DOK5: variants seen among roughly 807,000 people sequenced by gnomAD.
The protein encoded by DOK5 is downstream of tyrosine kinase 5.
A neutral mutation model predicts 43.3 loss-of-function variants in DOK5; 27 were observed. The observed-to-expected ratio is 0.62, with a 90% confidence interval of 0.46 to 0.86. The LOEUF (loss-of-function observed/expected upper bound fraction) is 0.86. Among genes scored for constraint, DOK5 ranks in the 40% least tolerant of loss-of-function variants. DOK5 has a pLI of 0.00. For missense variants in DOK5, 373 were observed against 392.9 expected (o/e 0.95, Z 0.43); for synonymous variants, 146 against 140.1 (o/e 1.04, Z -0.30).
intron 5 of DOK5, among the ~76,000 whole-genome samples, chr20:54,605,022 T>C (rs11698076): frequency 0.11 from 13,729 of 128,428 alleles, 2,311 homozygotes; most frequent in African/African-American, 0.41. Context: ...AATATATATA[T>C]ATACACACAC....
chr20:54,522,035 C>G (rs1600678128), intron 1 of DOK5, among the ~76,000 whole-genome samples: 1 of 152,174 alleles, frequency 6.6e-6, no homozygotes. Flanking sequence ...AAGAACTTAG[C>G]TCTACAGAAA....
At chr20:54,493,616 T>C (rs1056946662) in intron 1 of DOK5, among the ~76,000 whole-genome samples, 1 of 152,198 alleles carries the variant, frequency 6.6e-6, no homozygotes, top group Admixed American at 6.5e-5. Context: ...TACATAGTCA[T>C]CAGTGGCTAC....
At chr20:54,535,254 C>T (rs182699620) in intron 1 of DOK5, among the ~76,000 whole-genome samples, 2 of 152,178 alleles carry the variant, frequency 1.3e-5, no homozygotes, top group African/African-American at 4.8e-5. Flanking sequence ...AATTATTCTT[C>T]CCCTTCTGCC....
chr20:54,479,029 A>G (rs992138191), intron 1 of DOK5, among the ~76,000 whole-genome samples: 5 of 152,124 alleles, frequency 3.3e-5, no homozygotes, highest in African/African-American at 1.2e-4. Context: ...AAATATATAC[A>G]TACAACCTAT....
intron 2 of DOK5, among the ~76,000 whole-genome samples, chr20:54,586,333 G>A (rs1039740304): frequency 3.3e-5 from 5 of 152,130 alleles, no homozygotes; most frequent in Admixed American, 6.5e-5. Flanking sequence ...TAAGGCCAGG[G>A]CACATTTCCT....
At chr20:54,603,991 GGCTGGAGTGCAGTGGC>G (rs1157564575) in intron 5 of DOK5, among the ~76,000 whole-genome samples, 4 of 129,142 alleles carry the variant, frequency 3.1e-5, no homozygotes. Context: ...CTGTCGCCCA[GGCTGGAGTGCAGTGGC>G]GCGATCTCGG....
chr20:54,513,624 A>G (rs946751611), intron 1 of DOK5, among the ~76,000 whole-genome samples: 1 of 152,200 alleles, frequency 6.6e-6, no homozygotes, highest in Non-Finnish European at 1.5e-5. Context: ...TAAGACTGTC[A>G]AAGGAAGATT....
At chr20:54,569,210 A>G (rs977619880) in intron 2 of DOK5, among the ~76,000 whole-genome samples, 6 of 152,198 alleles carry the variant, frequency 3.9e-5, no homozygotes, top group African/African-American at 1.4e-4. Context: ...TCCGTAGGAC[A>G]CATTTGGTGA....
At chr20:54,558,363 A>G (rs1373242466) in intron 2 of DOK5, among the ~76,000 whole-genome samples, 1 of 152,232 alleles carries the variant, frequency 6.6e-6, no homozygotes, top group Non-Finnish European at 1.5e-5. Flanking sequence ...GGTAAGCCAC[A>G]TTCTCTTTCA....
intron 5 of DOK5, among the ~76,000 whole-genome samples, chr20:54,598,009 T>A (rs1024073975): frequency 6.6e-6 from 1 of 152,140 alleles, no homozygotes; most frequent in Non-Finnish European, 1.5e-5. Flanking sequence ...CACTGGGGTA[T>A]AAATGTTCTT....
At chr20:54,517,022 G>A (rs549371309) in intron 1 of DOK5, among the ~76,000 whole-genome samples, 37 of 152,290 alleles carry the variant, frequency 2.4e-4, no homozygotes, top group South Asian at 1.5e-3. Context: ...TCGGGTTGAT[G>A]TTTTTGTTCT....
Position 54,480,902 on chromosome 20 carries a change from C to CTATCTATCT in DOK5, c.66+4890_66+4891insTATCTATCT, listed in dbSNP as rs1555822314. Among the ~76,000 whole-genome samples the CTATCTATCT allele has an allele frequency of 3.9e-3, 523 of 134,688 alleles. 9 individuals are homozygous for CTATCTATCT. The highest frequency in any genetic ancestry group is 0.012 in the African/African-American group (374 of 30,294). 88.4% of individuals were successfully genotyped at this position (134,688 alleles called of 152,430 possible). A position where few individuals can be genotyped will look rare whatever the true frequency, so the allele number is the denominator to read the frequency against. On this transcript the variant is annotated intron_variant, in intron 1 of 7. Transcript: ENST00000262593. ...CTCTCAATGAGGCCTTTAAGGCCTCCATCTATCTATCTATCTATCTATCAA... is the reference window on the plus strand; with the variant it reads ...CTCTCAATGAGGCCTTTAAGGCCTCCTATCTATCTATCTATCTATCTATCTATCTATCAA...
intron 2 of DOK5, among the ~76,000 whole-genome samples, chr20:54,557,948 G>T (rs1358981333): frequency 6.6e-6 from 1 of 152,170 alleles, no homozygotes; most frequent in Non-Finnish European, 1.5e-5. Context: ...ATTTTTTGGG[G>T]ATGGGAGACA....
chr20:54,485,191 A>G (rs1224607848), intron 1 of DOK5, among the ~76,000 whole-genome samples: 1 of 151,976 alleles, frequency 6.6e-6, no homozygotes, highest in African/African-American at 2.4e-5. Context: ...TTAGTCGGGC[A>G]TGGTGGAGAG....
chr20:54,490,282 T>C (rs1982113090), intron 1 of DOK5, among the ~76,000 whole-genome samples: 1 of 152,240 alleles, frequency 6.6e-6, no homozygotes, highest in Non-Finnish European at 1.5e-5. Context: ...TCTCTAAAAA[T>C]TAAATTATGA....
chr20:54,548,051 T>G (rs897466024), intron 1 of DOK5, among the ~76,000 whole-genome samples: 1 of 151,982 alleles, frequency 6.6e-6, no homozygotes, highest in African/African-American at 2.4e-5. Flanking sequence ...AGGCCAGAGG[T>G]GCTACTAAAC....
chr20:54,509,928 G>A (rs1982954770), intron 1 of DOK5, among the ~76,000 whole-genome samples: 1 of 141,102 alleles, frequency 7.1e-6, no homozygotes, highest in Non-Finnish European at 1.5e-5. Flanking sequence ...TCAGACGGCA[G>A]TACATATGCT....
chr20:54,579,760 A>G (rs543630361), intron 2 of DOK5, among the ~76,000 whole-genome samples: 1 of 152,260 alleles, frequency 6.6e-6, no homozygotes, highest in South Asian at 2.1e-4. Context: ...GGATAATAGT[A>G]TATGGTATAT....
intron 2 of DOK5, among the ~76,000 whole-genome samples, chr20:54,557,828 A>G (rs1307050007): frequency 6.6e-6 from 1 of 152,070 alleles, no homozygotes; most frequent in Admixed American, 6.6e-5. Context: ...TGCCTTCCAC[A>G]TCCCTCTTAT....
Sources: gnomAD v4.1 joint callset for allele counts (sites outside exome capture counted in the v4.1 genomes callset) on GRCh38, gnomAD v4.1.1 for gene constraint, MANE v1.5 for transcripts, NCBI Gene and HGNC (gene_info 2026-07-23, HGNC 2026-07-21) for gene names.